The following ZP4 variants were observed in gnomAD, a reference collection of about 807,000 sequenced individuals.
ZP4 encodes zona pellucida glycoprotein 4.
A neutral mutation model predicts 62.3 loss-of-function variants in ZP4; 62 were observed. That is an observed-to-expected ratio of 0.99 (90% CI 0.81 to 1.23). ZP4 has a LOEUF of 1.23. Among genes scored for constraint, ZP4 ranks in the 50% most tolerant of loss-of-function variants. ZP4 has a pLI of 0.00. For synonymous variants in ZP4, 289 were observed against 247.3 expected, an observed-to-expected ratio of 1.17 and a Z score of -1.58; for missense variants, 774 against 656.0, an observed-to-expected ratio of 1.18 and a Z score of -1.97.
intron 11 of ZP4, 26 bp from the exon 12 acceptor site, chr1:237,882,575 T>G (rs185320705): frequency 6.3e-7 from 1 of 1,585,398 alleles, no homozygotes; most frequent in Non-Finnish European, 8.6e-7. Flanking sequence ...AAAGGTAGGT[T>G]AATGTATGCT....
intron 4 of ZP4, 64 bp from the exon 5 acceptor site, chr1:237,887,625 AG>A: frequency 6.6e-7 from 1 of 1,523,692 alleles, no homozygotes; most frequent in South Asian, 1.3e-5. Flanking sequence ...ACCAGATGAA[AG>A]TCTAACCACT....
In ZP4 at chr1:237,885,424, A is replaced by G; in HGVS notation, c.1127T>C (p.Leu376Pro). 1 of 1,612,884 alleles carries G rather than the reference A, an allele frequency of 6.2e-7. No individual in the cohort carries two copies. Among genetic ancestry groups the G allele is most frequent in the Non-Finnish European group, 8.5e-7 (1 of 1,179,428 alleles). Reference protein sequence around the residue: ...QCWATPSTDPLSQPQWPILVK... With the variant: ...QCWATPSTDPPSQPQWPILVK... Reference sequence around the variant, plus strand: ...CAGGATGGGCCACTGTGGCTGACTCAGGGGGTCAGTGCTGGGTGTTGCCCA... The same window carrying G: ...CAGGATGGGCCACTGTGGCTGACTCGGGGGGTCAGTGCTGGGTGTTGCCCA... The change falls in exon 8 of 12, where the codon CTG (leucine) becomes CCG (proline). Residue 376 changes from leucine to proline, a missense_variant. By Grantham distance (98) the Leu-to-Pro change is moderately conservative. Transcript: ENST00000366570.
At chr1:237,885,075 T>C in intron 9 of ZP4, 90 bp downstream of exon 9, 1 of 1,535,096 alleles carries the variant, frequency 6.5e-7, no homozygotes, top group Non-Finnish European at 8.8e-7. Context: ...TTAAAGGGCT[T>C]CCTTGGCTGC....
Position 237,888,445 on chromosome 1 carries a change from G to T in ZP4, c.466C>A (p.Pro156Thr). 4.3e-6 allele frequency: 7 copies of T among 1,612,470 alleles called. No homozygotes were observed. Among genetic ancestry groups the T allele is most frequent in the Non-Finnish European group, 5.9e-6 (7 of 1,179,026 alleles). Residue 156 changes from proline (P) to threonine (T), a missense_variant, in exon 4 of 12, where the codon CCT (proline) becomes ACT (threonine). Transcript: ENST00000366570. The part of the protein sequence containing the change: ...IPARDRLPCA[P>T]SPISRGDCEG... ...CAGTCTCCTCGAGAGATGGGTGAAG[G>T]TGCACATGGCAGTCTGTCCCGTGCT...
intron 10 of ZP4, among the ~76,000 whole-genome samples, chr1:237,883,684 C>T (rs1259881028): frequency 1.4e-4 from 1 of 6,934 alleles, no homozygotes. Flanking sequence ...CGGGGGAGGG[C>T]GGGGGAGGGC....
intron 6 of ZP4, 135 bp downstream of exon 6, chr1:237,886,636 G>A (rs988711066): frequency 1.5e-6 from 1 of 666,664 alleles, no homozygotes; most frequent in Non-Finnish European, 2.6e-6. Context: ...TCAAGTAATG[G>A]GCAGTGCAAT....
In ZP4 at chr1:237,884,897, T is replaced by C. The variant is rs769290469; in HGVS notation, c.1312-50A>G. On this transcript the variant is annotated intron_variant, in intron 9 of 11. Coordinates refer to ENST00000366570, the MANE Select transcript of ZP4 (RefSeq NM_021186.5). ...ATTTGTAGTATCACCATGCCATGTA[T>C]CTCTAAACCTGCTTTGCCTCCCCAG... 31 of 1,574,482 alleles carry C rather than the reference T, an allele frequency of 2.0e-5. No homozygotes were observed. In the East Asian group the frequency reaches 7.0e-4, roughly 36 times the overall value.
chr1:237,883,115 T>A (rs1373924466), intron 10 of ZP4, among the ~76,000 whole-genome samples: 1 of 152,190 alleles, frequency 6.6e-6, no homozygotes, highest in East Asian at 1.9e-4. Flanking sequence ...CAGTATCATG[T>A]TTATAATTCA....
rs774076195 is a variant in ZP4 at position 237,885,733 on chromosome 1, T to C, written c.970+23A>G. 3.1e-6 allele frequency: 5 copies of C among 1,613,238 alleles called. No individual in the cohort carries two copies. The African/African-American group carries it at 6.7e-5, about 22-fold the overall frequency. ...GACTGGATTTAGACTATAGGCCAGA[T>C]ACTCCAGCCAAGGGGGTCATACCTT... On this transcript the variant is annotated intron_variant, in intron 7 of 11. Coordinates refer to ENST00000366570, the MANE Select transcript of ZP4 (RefSeq NM_021186.5).
Position 237,885,218 on chromosome 1 carries a change from A to G in ZP4, c.1258T>C (p.Phe420Leu), listed in dbSNP as rs1418648541. The part of the protein sequence containing the change: ...FPSHHQRFSI[F>L]TFSFVNPTVE... ...GTAGGGTTCACAAAGCTGAAGGTGA[A>G]GATGCTGAAGCGCTGGTGGTGAGAG... Residue 420 changes from phenylalanine (F) to leucine (L), a missense_variant, in exon 9 of 12, where the codon TTC becomes CTC. Coordinates refer to ENST00000366570, the MANE Select transcript of ZP4 (RefSeq NM_021186.5). 1 of 1,614,170 alleles carries G rather than the reference A, an allele frequency of 6.2e-7. No individual in the cohort carries two copies. The highest frequency in any genetic ancestry group is 1.7e-5 in the Admixed American group (1 of 60,018).
chr1:237,884,043 A>ACACAAACACAC (rs1558531257), intron 10 of ZP4, among the ~76,000 whole-genome samples: 5 of 104,820 alleles, frequency 4.8e-5, no homozygotes, highest in African/African-American at 2.8e-4. Context: ...AACACACACA[A>ACACAAACACAC]ACACACACAA....
intron 10 of ZP4, among the ~76,000 whole-genome samples, chr1:237,883,775 GAGAGAGGAAGAGAGAGGA>G (rs1558530330): frequency 9.7e-5 from 14 of 144,838 alleles, no homozygotes; most frequent in East Asian, 4.0e-4. Flanking sequence ...GAGAGAGGAA[GAGAGAGGAAGAGAGAGGA>G]AGAGAGAGGA....
In ZP4 at chr1:237,890,164, AG is replaced by A. The variant is rs774472591; in HGVS notation, c.187del (p.Leu63CysfsTer15). The A allele has an allele frequency of 3.5e-5, 56 of 1,613,894 alleles. No individual in the cohort carries two copies. The Admixed American group carries it at 9.3e-4, about 27-fold the overall frequency. On this transcript the variant is annotated frameshift_variant, in exon 2 of 12. Coordinates refer to ENST00000366570, the MANE Select transcript of ZP4 (RefSeq NM_021186.5). LOFTEE classifies it high-confidence loss of function. ...PVLIAWDNQGLLHELQNDSDC... is the reference protein window; with the variant it reads ...PVLIAWDNQGXLHELQNDSDC... ...GGAGTCATTCTGCAGCTCGTGCAGC[AG>A]CCCTTGGTTGTCTGGAGGGGTGGGG... is the stretch of plus-strand genomic sequence containing the variant.
intron 3 of ZP4, 29 bp downstream of exon 3, chr1:237,889,835 CCCA>C (rs773496833): frequency 5.8e-6 from 9 of 1,552,374 alleles, no homozygotes; most frequent in East Asian, 4.5e-5. Context: ...CCCCACCACC[CCCA>C]CAAGACCCTG....
intron 10 of ZP4, among the ~76,000 whole-genome samples, chr1:237,883,996 ACACACACAC>A (rs1558530835): frequency 9.8e-5 from 7 of 71,412 alleles, no homozygotes; most frequent in Admixed American, 4.9e-4. Context: ...ACACACACAC[ACACACACAC>A]ACACACACAC....
Position 237,890,668 on chromosome 1 carries a change from T to C in ZP4, c.-33A>G, listed in dbSNP as rs774193620. 3 of 1,596,440 alleles carry C rather than the reference T, an allele frequency of 1.9e-6. No homozygotes were observed. The highest frequency in any genetic ancestry group is 2.2e-5 in the East Asian group (1 of 44,676). Reference sequence around the variant, plus strand: ...CCAGGAGTTCCTGCCGGCTGCAGACTCTCCGCCTCCTCTCCCAAGAGCCGA... The same window carrying C: ...CCAGGAGTTCCTGCCGGCTGCAGACCCTCCGCCTCCTCTCCCAAGAGCCGA... On this transcript the variant is annotated 5_prime_UTR_variant, in exon 1 of 12. Coordinates refer to ENST00000366570, the MANE Select transcript of ZP4 (RefSeq NM_021186.5).
chr1:237,887,684 C>A, intron 4 of ZP4, 123 bp from the exon 5 acceptor site: 1 of 998,930 alleles, frequency 1.0e-6, no homozygotes, highest in Admixed American at 2.8e-5. Context: ...TTCCCAGTGA[C>A]AACCTCAGTG....
intron 10 of ZP4, 115 bp downstream of exon 10, chr1:237,884,654 A>C: frequency 1.1e-6 from 1 of 922,836 alleles, no homozygotes; most frequent in Non-Finnish European, 1.7e-6. Context: ...AAGTACTTAG[A>C]GAAGCCTTAG....
In ZP4 at chr1:237,888,447, G is replaced by A. The variant is rs745902356; in HGVS notation, c.464C>T (p.Ala155Val). The A allele has an allele frequency of 3.7e-6, 6 of 1,612,278 alleles. No homozygotes were observed. The highest frequency in any genetic ancestry group is 1.1e-5 in the South Asian group (1 of 90,692). Residue 155 changes from alanine to valine, a missense_variant, in exon 4 of 12, where the codon GCA becomes GTA. Coordinates refer to ENST00000366570, the MANE Select transcript of ZP4 (RefSeq NM_021186.5). ...GTCTCCTCGAGAGATGGGTGAAGGT[G>A]CACATGGCAGTCTGTCCCGTGCTGG... ...SIPARDRLPC[A>V]PSPISRGDCE... is the part of the protein sequence containing the mutation.
Sources: gnomAD v4.1 joint callset for allele counts (sites outside exome capture counted in the v4.1 genomes callset) on GRCh38, gnomAD v4.1.1 for gene constraint, MANE v1.5 for transcripts, NCBI Gene and HGNC (gene_info 2026-07-23, HGNC 2026-07-21) for gene names.